Variants in DAPK1 observed in about 807,000 individuals in gnomAD.
The protein encoded by DAPK1 is death associated protein kinase 1, also known as death-associated protein kinase 1.
A neutral mutation model predicts 144.9 loss-of-function variants in DAPK1; 56 were observed. The observed-to-expected ratio is 0.39, with a 90% CI of 0.31 to 0.48. The LOEUF is 0.48. Ranked by LOEUF, DAPK1 falls within the 20% of genes least tolerant of loss-of-function variation. The pLI is 0.95. For missense variants in DAPK1, 1,454 were observed against 1,875.4 expected (o/e 0.78, Z 4.15); for synonymous variants, 690 against 749.0 (o/e 0.92, Z 1.29).
intron 19 of DAPK1, among the ~76,000 whole-genome samples, chr9:87,680,846 A>G (rs932092164): frequency 9.2e-5 from 14 of 152,278 alleles, no homozygotes; most frequent in African/African-American, 2.4e-4. Flanking sequence ...GGGTGACACA[A>G]ATGTTCTGGA....
intron 2 of DAPK1, among the ~76,000 whole-genome samples, chr9:87,557,116 C>T (rs1826747036): frequency 6.6e-6 from 1 of 152,206 alleles, no homozygotes; most frequent in Admixed American, 6.5e-5. Flanking sequence ...AGGAGCAACT[C>T]TTCCTCAACA....
At chr9:87,695,961 T>G (rs1825244289) in intron 21 of DAPK1, among the ~76,000 whole-genome samples, 1 of 152,182 alleles carries the variant, frequency 6.6e-6, no homozygotes, top group Admixed American at 6.5e-5. Flanking sequence ...GCTCCTTCCT[T>G]GTCAGGAGTA....
intron 2 of DAPK1, among the ~76,000 whole-genome samples, chr9:87,581,346 G>A (rs1296588972): frequency 6.6e-6 from 1 of 151,826 alleles, no homozygotes; most frequent in African/African-American, 2.4e-5. Flanking sequence ...TAAGTAAATA[G>A]GCAAATAAAG....
chr9:87,497,664 T>TGCGGGGTGTGC (rs1029336730), upstream of DAPK1: 2 of 177,918 alleles, frequency 1.1e-5, no homozygotes, highest in Non-Finnish European at 2.3e-5. Context: ...AGTGGGTGTG[T>TGCGGGGTGTGC]GCGGGGTGTG....
At chr9:87,603,344 AT>A (rs1336650349) in intron 2 of DAPK1, among the ~76,000 whole-genome samples, 1 of 152,138 alleles carries the variant, frequency 6.6e-6, no homozygotes, top group African/African-American at 2.4e-5. Context: ...AGACCCCGTA[AT>A]TGTTTAAGGT....
At chr9:87,700,737 G>C (rs1227400324) in intron 24 of DAPK1, among the ~76,000 whole-genome samples, 2 of 152,048 alleles carry the variant, frequency 1.3e-5, no homozygotes, top group Non-Finnish European at 2.9e-5. Flanking sequence ...CTAGGCTCAG[G>C]TGCTCCTCCC....
rs1240191276 is a variant in DAPK1 at position 87,706,823 on chromosome 9, T to TCTAC, written c.3754_3757dup (p.Gln1253LeufsTer87). 1 of 1,613,668 alleles carries TCTAC rather than the reference T, an allele frequency of 6.2e-7. No individual in the cohort carries two copies. The highest frequency in any genetic ancestry group is 8.5e-7 in the Non-Finnish European group (1 of 1,179,992). ...CGGGAGCACCATGAGCCCGTCATGA[T>TCTAC]CTACCAGCCACGGGACTTCTTCCGG... On this transcript the variant is annotated frameshift_variant, in exon 26 of 26. Coordinates refer to ENST00000408954, the MANE Select transcript of DAPK1 (RefSeq NM_004938.4). LOFTEE classifies it high-confidence loss of function. The surrounding 1 kb of genome is among the most constrained non-coding windows in gnomAD (Gnocchi z 9.0).
At chr9:87,615,172 C>T (rs1019522220) in intron 3 of DAPK1, among the ~76,000 whole-genome samples, 1 of 152,238 alleles carries the variant, frequency 6.6e-6, no homozygotes, top group Non-Finnish European at 1.5e-5. Flanking sequence ...CTTCCAAGAA[C>T]AACCTCATAC....
chr9:87,559,581 G>A (rs976355622), intron 2 of DAPK1, among the ~76,000 whole-genome samples: 1 of 152,158 alleles, frequency 6.6e-6, no homozygotes, highest in Non-Finnish European at 1.5e-5. Context: ...CTCCCAGGAC[G>A]CTCTCAAAAG....
chr9:87,523,280 A>G (rs955138741), intron 2 of DAPK1, among the ~76,000 whole-genome samples: 9 of 151,366 alleles, frequency 5.9e-5, no homozygotes, highest in Admixed American at 5.9e-4. Context: ...TATCACAGTT[A>G]GAAAGGCCCT....
chr9:87,543,085 C>T (rs1247435477), intron 2 of DAPK1, among the ~76,000 whole-genome samples: 1 of 152,126 alleles, frequency 6.6e-6, no homozygotes, highest in African/African-American at 2.4e-5. Flanking sequence ...AAATATGGGA[C>T]ATGTTGTATA....
Position 87,563,206 on chromosome 9 carries a change from A to G in DAPK1, c.63-41748A>G, listed in dbSNP as rs565743088. Among the ~76,000 whole-genome samples, 7 of 152,366 alleles carry G rather than the reference A, an allele frequency of 4.6e-5. No homozygotes were observed. The South Asian group carries it at 1.0e-3, about 23-fold the overall frequency. On this transcript the variant is annotated intron_variant, in intron 2 of 25. Coordinates refer to ENST00000408954, the MANE Select transcript of DAPK1 (RefSeq NM_004938.4). ...CTGGTAAACTCCAATTTCTAAGTTT[A>G]TAAGTACATGCATTTGTCAGAATTT... is the stretch of plus-strand genomic sequence containing the variant.
chr9:87,577,659 G>A (rs1241160576), intron 2 of DAPK1, among the ~76,000 whole-genome samples: 4 of 152,146 alleles, frequency 2.6e-5, no homozygotes, highest in African/African-American at 7.2e-5. Flanking sequence ...TTAACTGGGC[G>A]TGGTGATGCA....
In DAPK1 at chr9:87,585,470, G is replaced by A. The variant is rs917483887; in HGVS notation, c.63-19484G>A. On this transcript the variant is annotated intron_variant, in intron 2 of 25. Transcript: ENST00000408954. ...TATGTTTAAAAAGAAAACTATCTTA[G>A]TGCACACAAATTACGAGCTGGAAAT... 1.6e-4 allele frequency among the ~76,000 whole-genome samples: 25 copies of A among 152,168 alleles called. 1 individual carries two copies. The highest frequency in any genetic ancestry group is 6.5e-5 in the Admixed American group (1 of 15,282).
intron 3 of DAPK1, among the ~76,000 whole-genome samples, chr9:87,606,342 A>G (rs1427799725): frequency 3.3e-5 from 5 of 152,210 alleles, no homozygotes; most frequent in Admixed American, 3.3e-4. Flanking sequence ...TAACCATAAA[A>G]TGGGGTTAAT....
In DAPK1 at chr9:87,661,252, GAGT is replaced by G. The variant is rs151148505; in HGVS notation, c.1923+3129_1923+3131del. Among the ~76,000 whole-genome samples the G allele has an allele frequency of 9.2e-3, 1,407 of 152,340 alleles. 16 individuals carry two copies. The highest frequency in any genetic ancestry group is 0.027 in the Middle Eastern group (8 of 294). On this transcript the variant is annotated intron_variant, in intron 18 of 25. Transcript: ENST00000408954. ...TTTGATTCCCTACCTTTGCTACTGT[GAGT>G]AGTCCTGCAGTGAACATACAAGTGC...
intron 2 of DAPK1, among the ~76,000 whole-genome samples, chr9:87,561,878 A>G (rs2118661530): frequency 6.6e-6 from 1 of 152,298 alleles, no homozygotes; most frequent in East Asian, 1.9e-4. Flanking sequence ...CCAGAGCTGC[A>G]TCCACCATGC....
intron 2 of DAPK1, among the ~76,000 whole-genome samples, chr9:87,570,237 A>G (rs192970618): frequency 2.1e-4 from 32 of 152,304 alleles, no homozygotes; most frequent in Admixed American, 2.0e-3. Context: ...TCCCATATGT[A>G]CACAAGACAC....
intron 3 of DAPK1, among the ~76,000 whole-genome samples, chr9:87,627,874 C>T (rs1218226049): frequency 6.6e-6 from 1 of 152,162 alleles, no homozygotes; most frequent in Non-Finnish European, 1.5e-5. Flanking sequence ...AATATTGCAC[C>T]GTTGCCATGT....
Sources: allele counts gnomAD v4.1 joint callset (sites outside exome capture counted in the v4.1 genomes callset), GRCh38; gene constraint gnomAD v4.1.1; non-coding constraint Gnocchi (gnomAD v3.1); transcripts MANE v1.5; gene names NCBI Gene and HGNC (gene_info 2026-07-23, HGNC 2026-07-21).